Variants in TRPM1 observed in about 807,000 individuals in gnomAD.
The protein encoded by TRPM1 is TRPM1-203 APA Isoform, Intron 10.
TRPM1 carries 113 observed loss-of-function variants against 149.4 expected under a neutral mutation model. The observed-to-expected ratio is 0.76, with a 90% CI of 0.65 to 0.88. TRPM1 has a LOEUF of 0.88. TRPM1 is among the 40% of genes least tolerant of loss of function. The pLI is 0.00. For missense variants in TRPM1, 1,976 were observed against 2,038.7 expected, an observed-to-expected ratio of 0.97 and a Z score of 0.59; for synonymous variants, 741 against 759.5, an observed-to-expected ratio of 0.98 and a Z score of 0.40.
chr15:31,078,256 G>T (rs1304159554), intron 2 of TRPM1, among the ~76,000 whole-genome samples: 1 of 152,088 alleles, frequency 6.6e-6, no homozygotes, highest in East Asian at 1.9e-4. Context: ...CTTGTCTCTG[G>T]GGAGGTCACC....
chr15:31,131,740 G>T (rs888205793), intron 1 of TRPM1, among the ~76,000 whole-genome samples: 29 of 152,160 alleles, frequency 1.9e-4, no homozygotes, highest in African/African-American at 6.3e-4. Context: ...AGTGAGAGTG[G>T]GTGGAAGCAG....
intron 6 of TRPM1, among the ~76,000 whole-genome samples, chr15:31,066,748 C>T (rs747997969): frequency 2.0e-5 from 3 of 152,018 alleles, no homozygotes; most frequent in South Asian, 2.1e-4. Flanking sequence ...TCTTGAAATG[C>T]GGGGTGGTGC....
chr15:31,152,559 C>T (rs943948305), intron 1 of TRPM1, among the ~76,000 whole-genome samples: 10 of 152,182 alleles, frequency 6.6e-5, no homozygotes, highest in East Asian at 3.8e-4. Context: ...CAGGCCATGA[C>T]GGGAAGCAGG....
intron 1 of TRPM1, among the ~76,000 whole-genome samples, chr15:31,085,703 A>G (rs2034980796): frequency 6.6e-6 from 1 of 152,182 alleles, no homozygotes; most frequent in Non-Finnish European, 1.5e-5. Flanking sequence ...TGCAGAATGT[A>G]GGGTGTTACT....
chr15:31,136,943 T>C (rs962809340), intron 1 of TRPM1, among the ~76,000 whole-genome samples: 2 of 152,166 alleles, frequency 1.3e-5, no homozygotes, highest in Non-Finnish European at 2.9e-5. Flanking sequence ...AAGAGAGAGA[T>C]CTGACAACCC....
chr15:31,055,970 T>C (rs1407317039), intron 11 of TRPM1, among the ~76,000 whole-genome samples: 5 of 152,188 alleles, frequency 3.3e-5, no homozygotes, highest in African/African-American at 1.2e-4. Flanking sequence ...ATCTAATTCA[T>C]ATCCTTAGAT....
chr15:31,132,847 G>A (rs2036034869), intron 1 of TRPM1, among the ~76,000 whole-genome samples: 1 of 152,164 alleles, frequency 6.6e-6, no homozygotes, highest in South Asian at 2.1e-4. Context: ...ATAAAGGGCA[G>A]TTCCCCTGCA....
intron 17 of TRPM1, among the ~76,000 whole-genome samples, chr15:31,041,371 C>T (rs533539115): frequency 5.1e-4 from 77 of 152,246 alleles, no homozygotes; most frequent in African/African-American, 1.8e-3. Context: ...AGGATGGTCT[C>T]GATCTCCTGA....
intron 1 of TRPM1, among the ~76,000 whole-genome samples, chr15:31,094,682 T>C (rs2035330152): frequency 6.6e-6 from 1 of 152,230 alleles, no homozygotes; most frequent in Non-Finnish European, 1.5e-5. Context: ...TCATTCCTAC[T>C]AGGATGATTA....
Position 31,063,043 on chromosome 15 carries a change from C to T in TRPM1, c.965+75G>A, listed in dbSNP as rs1412226651. ...ACACGTTTGGAATGTCTAAGCAGAC[C>T]ACTTTAGATTTTCTCCTTGGCCCGA... is the stretch of plus-strand genomic sequence containing the variant. On this transcript the variant is annotated intron_variant, in intron 8 of 27. Coordinates refer to ENST00000256552, the MANE Select transcript of TRPM1 (RefSeq NM_001252024.2). The T allele has an allele frequency of 6.3e-6, 10 of 1,579,170 alleles. No individual in the cohort carries two copies. The Admixed American group carries it at 1.4e-4, about 22-fold the overall frequency.
intron 1 of TRPM1, among the ~76,000 whole-genome samples, chr15:31,135,510 A>G (rs2036076436): frequency 6.6e-6 from 1 of 152,224 alleles, no homozygotes; most frequent in East Asian, 1.9e-4. Flanking sequence ...GAAATGCAAG[A>G]TAGAATTAGA....
At position 31,060,683 on chromosome 15, in the gene TRPM1, G is replaced by A. The variant is rs553848414; in HGVS notation, c.1163-39C>T. On this transcript the variant is annotated intron_variant, in intron 10 of 27. Coordinates refer to ENST00000256552, the MANE Select transcript of TRPM1 (RefSeq NM_001252024.2). The stretch of plus-strand genomic sequence containing the variant: ...AAACCGGAATGATTTTTCACTCCAC[G>A]CCTGGACCGCCAGGGTTTGGCAGGT... 3.2e-6 allele frequency: 5 copies of A among 1,550,224 alleles called. No homozygotes were observed. In the East Asian group the frequency reaches 6.8e-5, roughly 21 times the overall value.
intron 15 of TRPM1, 102 bp downstream of exon 15, chr15:31,047,009 G>C (rs1180088575): frequency 8.0e-6 from 12 of 1,509,174 alleles, no homozygotes; most frequent in Middle Eastern, 1.8e-4. Flanking sequence ...CTGGGGACAG[G>C]GCGAAGGGCT....
chr15:31,107,969 T>C (rs1463640513), intron 1 of TRPM1, among the ~76,000 whole-genome samples: 4 of 151,758 alleles, frequency 2.6e-5, no homozygotes, highest in African/African-American at 9.7e-5. Context: ...GTGATTCTCC[T>C]GCCTCAGCCT....
chr15:31,038,951 G>T (rs1481207695), intron 18 of TRPM1, among the ~76,000 whole-genome samples: 5 of 150,930 alleles, frequency 3.3e-5, no homozygotes, highest in Non-Finnish European at 5.9e-5. Context: ...ACAAAAGGAT[G>T]CCCGGATGCC....
chr15:31,117,174 A>C (rs552471320), intron 1 of TRPM1, among the ~76,000 whole-genome samples: 2 of 152,184 alleles, frequency 1.3e-5, no homozygotes, highest in East Asian at 3.9e-4. Flanking sequence ...ACATGGCAAA[A>C]CCCCATCTCT....
chr15:31,040,716 AC>A lies in TRPM1; in HGVS notation c.2088-371del, dbSNP rs2033587383. ...CAGCAAAAGTGACTTCAAATGCAGC[AC>A]CTGTGGAGTTGGAGGCCACAGTAGC... On this transcript the variant is annotated intron_variant, in intron 17 of 27. Transcript: ENST00000256552. This position sits in a 1 kb window ranked among gnomAD's most constrained non-coding sequence, Gnocchi z 4.2. Among the ~76,000 whole-genome samples the A allele has an allele frequency of 1.3e-5, 2 of 151,812 alleles. No individual in the cohort carries two copies. The highest frequency in any genetic ancestry group is 1.3e-4 in the Admixed American group (2 of 15,208).
In TRPM1 at chr15:31,047,109, A is replaced by G. The variant is rs962936785; in HGVS notation, c.1764+2T>C. 1.2e-6 allele frequency: 2 copies of G among 1,614,200 alleles called. No individual in the cohort carries two copies. Among genetic ancestry groups the G allele is most frequent in the Non-Finnish European group, 1.7e-6 (2 of 1,180,026 alleles). On this transcript the variant is annotated splice_donor_variant, in intron 15 of 27. Transcript: ENST00000256552. LOFTEE classifies it high-confidence loss of function. The stretch of plus-strand genomic sequence containing the variant: ...GAACACTACACAGGCACTGAGTTCT[A>G]CCCTCTTTGGTCCAAACAAGTTGTT...
At chr15:31,096,584 G>A (rs17228129) in intron 1 of TRPM1, among the ~76,000 whole-genome samples, 27,359 of 152,164 alleles carry the variant, frequency 0.18, 2,826 homozygotes, top group South Asian at 0.31. Flanking sequence ...TTGTGTTAAG[G>A]AGCTCCCCTC....
Sources: gnomAD v4.1 joint callset for allele counts (sites outside exome capture counted in the v4.1 genomes callset) on GRCh38, gnomAD v4.1.1 for gene constraint, Gnocchi (gnomAD v3.1) non-coding constraint, MANE v1.5 for transcripts, NCBI Gene and HGNC (gene_info 2026-07-23, HGNC 2026-07-21) for gene names.